Variants in PCDH17 observed in about 807,000 individuals in gnomAD.
PCDH17 encodes the protein protocadherin-17.
Under a neutral mutation model 67.7 loss-of-function variants are expected in PCDH17, and 21 were observed. The ratio of observed to expected loss-of-function variants is 0.31; its 90% CI spans 0.22 to 0.45. The LOEUF is 0.45. PCDH17 is among the 20% of genes least tolerant of loss of function. The pLI, the probability that PCDH17 is intolerant of heterozygous loss-of-function variation, is 1.00. For synonymous variants in PCDH17, 701 were observed against 656.7 expected (o/e 1.07, Z -1.03); for missense variants, 1,471 against 1,564.8 (o/e 0.94, Z 1.01).
chr13:57,713,622 T>C (rs565605739), intron 3 of PCDH17, among the ~76,000 whole-genome samples: 48 of 151,798 alleles, frequency 3.2e-4, no homozygotes, highest in African/African-American at 1.2e-3. Flanking sequence ...AAGTTATCTT[T>C]GGAAACTATC....
intron 3 of PCDH17, among the ~76,000 whole-genome samples, chr13:57,715,789 T>C (rs1955811829): frequency 6.6e-6 from 1 of 151,930 alleles, no homozygotes; most frequent in Admixed American, 6.6e-5. Flanking sequence ...ATTTTCTGAT[T>C]TTCTAAAATA....
At chr13:57,649,931 C>T (rs140385301) in intron 1 of PCDH17, among the ~76,000 whole-genome samples, 1 of 152,112 alleles carries the variant, frequency 6.6e-6, no homozygotes, top group East Asian at 1.9e-4. Flanking sequence ...GAGAGGAATA[C>T]CCTATTTTCC....
chr13:57,670,051 C>CT lies in PCDH17; in HGVS notation c.2797+3225dup, dbSNP rs1260723590. ...TAGATATTAAGTAACTATTAAGCAA[C>CT]TTTTTTTAATATTCTGTAGTTATAA... is the stretch of plus-strand genomic sequence containing the variant. On this transcript the variant is annotated intron_variant, in intron 3 of 3. Coordinates refer to ENST00000377918, the MANE Select transcript of PCDH17 (RefSeq NM_001040429.3). Among the ~76,000 whole-genome samples the CT allele has an allele frequency of 3.3e-5, 5 of 151,998 alleles. No individual in the cohort carries two copies. The East Asian group carries it at 7.8e-4, about 24-fold the overall frequency.
intron 3 of PCDH17, among the ~76,000 whole-genome samples, chr13:57,687,462 CT>C: frequency 6.6e-6 from 1 of 151,888 alleles, no homozygotes. Context: ...TAAACACAAT[CT>C]CAATCTCAAT....
rs550285059 is a variant in PCDH17 at position 57,668,040 on chromosome 13, C to T, written c.2797+1207C>T. 2.6e-4 allele frequency among the ~76,000 whole-genome samples: 40 copies of T among 151,534 alleles called. No homozygotes were observed. The South Asian group carries it at 4.2e-3, about 16-fold the overall frequency. On this transcript the variant is annotated intron_variant, in intron 3 of 3. Transcript: ENST00000377918. ...ATTGCTAGACCGATGACTTTTTTCA[C>T]GATCTTTTACCATAGCAACTTTCTG...
At chr13:57,719,542 G>A (rs1955855892) in intron 3 of PCDH17, among the ~76,000 whole-genome samples, 1 of 152,040 alleles carries the variant, frequency 6.6e-6, no homozygotes, top group East Asian at 1.9e-4. Context: ...AAATATGTAA[G>A]TTCCCAAAGC....
At position 57,725,010 on chromosome 13, in the gene PCDH17, G is replaced by A. The variant is rs1399147992; in HGVS notation, c.3196G>A (p.Glu1066Lys). Residue 1066 changes from glutamate to lysine, a missense_variant, in exon 4 of 4, where the codon GAA becomes AAA. Glu to Lys is a moderately conservative substitution (Grantham distance 56). Around this residue, in one of 3 missense-constraint regions of PCDH17, gnomAD observed 297 missense variants for 298.6 expected, o/e 0.99. Transcript: ENST00000377918. ...GCEAKPGALA[E>K]ASSQYLPTDS... ...TGAAGCAAAACCAGGAGCCCTGGCT[G>A]AAGCAAGCAGTCAGTACTTGCCCAC... 4 of 1,614,068 alleles carry A rather than the reference G, an allele frequency of 2.5e-6. No individual in the cohort carries two copies. The highest frequency in any genetic ancestry group is 1.3e-5 in the African/African-American group (1 of 74,936).
intron 1 of PCDH17, among the ~76,000 whole-genome samples, chr13:57,662,497 A>G (rs148094713): frequency 1.2e-3 from 186 of 152,288 alleles, no homozygotes; most frequent in Middle Eastern, 3.4e-3. Context: ...GATAGGCGCT[A>G]TTATAAGTGT....
intron 3 of PCDH17, among the ~76,000 whole-genome samples, chr13:57,671,634 T>A (rs1378146461): frequency 6.6e-6 from 1 of 152,086 alleles, no homozygotes; most frequent in Non-Finnish European, 1.5e-5. Flanking sequence ...ATAGTCTCCA[T>A]TGATTTCTAA....
intron 3 of PCDH17, among the ~76,000 whole-genome samples, chr13:57,676,118 A>G (rs567858636): frequency 1.3e-5 from 2 of 151,990 alleles, no homozygotes; most frequent in South Asian, 4.1e-4. Context: ...TTAAGTTTTA[A>G]TGTTATGTAT....
intron 3 of PCDH17, among the ~76,000 whole-genome samples, chr13:57,724,254 T>C (rs2138106026): frequency 6.6e-6 from 1 of 152,292 alleles, no homozygotes; most frequent in South Asian, 2.1e-4. Context: ...TGATAATCTT[T>C]TTTGAAGTTC....
intron 3 of PCDH17, among the ~76,000 whole-genome samples, chr13:57,717,411 G>T (rs965300167): frequency 2.0e-5 from 3 of 151,896 alleles, no homozygotes; most frequent in African/African-American, 7.3e-5. Context: ...ACCTTAGAGC[G>T]TTATCTATGT....
chr13:57,633,364 G>A lies in PCDH17; in HGVS notation c.818G>A (p.Gly273Asp). The change falls in exon 1 of 4, where the codon GGT becomes GAT. Residue 273 changes from glycine (G) to aspartate (D), a missense_variant. Transcript: ENST00000377918. The surrounding 1 kb of genome is among the most constrained non-coding windows in gnomAD (Gnocchi z 6.2). ...IDLNATDADE[G>D]PNGEVLYSFS... ...CTGAACGCCACCGACGCCGATGAAGGTCCCAATGGTGAAGTGCTCTACTCT... is the reference window on the plus strand; with the variant it reads ...CTGAACGCCACCGACGCCGATGAAGATCCCAATGGTGAAGTGCTCTACTCT... 6.2e-7 allele frequency: 1 copy of A among 1,613,286 alleles called. No individual in the cohort carries two copies. Among genetic ancestry groups the A allele is most frequent in the South Asian group, 1.1e-5 (1 of 91,086 alleles).
intron 3 of PCDH17, among the ~76,000 whole-genome samples, chr13:57,688,348 T>C (rs1955526596): frequency 6.6e-6 from 1 of 151,860 alleles, no homozygotes; most frequent in African/African-American, 2.4e-5. Flanking sequence ...TTGGGAAAAA[T>C]TGTGTTTGTG....
intron 1 of PCDH17, among the ~76,000 whole-genome samples, chr13:57,635,656 G>T (rs1017905076): frequency 5.3e-5 from 8 of 152,074 alleles, no homozygotes; most frequent in African/African-American, 1.9e-4. Context: ...TATTTTAAAG[G>T]TGCTTTAAAG....
chr13:57,660,916 T>C (rs1361341472), intron 1 of PCDH17, among the ~76,000 whole-genome samples: 1 of 152,214 alleles, frequency 6.6e-6, no homozygotes, highest in East Asian at 1.9e-4. Context: ...ATATGTATGA[T>C]GGTCTGTCTG....
chr13:57,691,955 A>G (rs1173428408), intron 3 of PCDH17, among the ~76,000 whole-genome samples: 2 of 151,268 alleles, frequency 1.3e-5, no homozygotes, highest in East Asian at 1.9e-4. Context: ...AAATTATACT[A>G]GAGCTTATTA....
intron 3 of PCDH17, among the ~76,000 whole-genome samples, chr13:57,683,873 A>C (rs1333069269): frequency 6.6e-6 from 1 of 151,938 alleles, no homozygotes; most frequent in African/African-American, 2.4e-5. Context: ...AGTTCACCTA[A>C]ACCAATTGAG....
chr13:57,711,006 G>C (rs4291817), intron 3 of PCDH17, among the ~76,000 whole-genome samples: 32,030 of 151,822 alleles, frequency 0.21, 3,910 homozygotes, highest in East Asian at 0.53. Flanking sequence ...ACATATGTAA[G>C]GTCTATATAA....
Sources: allele counts gnomAD v4.1 joint callset (sites outside exome capture counted in the v4.1 genomes callset), GRCh38; gene constraint gnomAD v4.1.1; regional missense constraint gnomAD v4.1.1; non-coding constraint Gnocchi (gnomAD v3.1); transcripts MANE v1.5; gene names NCBI Gene and HGNC (gene_info 2026-07-23, HGNC 2026-07-21).